KLHL7: variants seen among roughly 807,000 people sequenced by gnomAD.
KLHL7 encodes the protein kelch-like protein 7.
In KLHL7, 44 loss-of-function variants were observed where a neutral mutation model predicts 67.4. That is an observed-to-expected ratio of 0.65 (90% CI 0.51 to 0.84). The LOEUF is 0.84. Ranked by LOEUF, KLHL7 falls within the 40% of genes least tolerant of loss-of-function variation. KLHL7 has a pLI of 0.00. For missense variants in KLHL7, 362 were observed against 718.1 expected (o/e 0.50, Z 5.67); for synonymous variants, 252 against 243.3 (o/e 1.04, Z -0.33).
At position 23,173,040 on chromosome 7, in the gene KLHL7, G is replaced by T. The variant is rs773094599; in HGVS notation, c.1472G>T (p.Gly491Val). Reference protein sequence around the residue: ...DKIFAVGGQNGLGGLDNVEYY... With the variant: ...DKIFAVGGQNVLGGLDNVEYY... ...ATATTTGCTGTGGGTGGTCAGAATG[G>T]TTTAGGTATGTGATGTTAATTCACT... The change falls in exon 10 of 11, where the codon GGT becomes GTT. Residue 491 changes from glycine (G) to valine (V), a missense_variant. Coordinates refer to ENST00000339077, the MANE Select transcript of KLHL7 (RefSeq NM_001031710.3). 7 of 1,608,824 alleles carry T rather than the reference G, an allele frequency of 4.4e-6. No homozygotes were observed. The highest frequency in any genetic ancestry group is 6.0e-6 in the Non-Finnish European group (7 of 1,175,274).
chr7:23,108,979 C>A (rs1038200961), intron 1 of KLHL7, among the ~76,000 whole-genome samples: 1 of 152,198 alleles, frequency 6.6e-6, no homozygotes, highest in Non-Finnish European at 1.5e-5. Flanking sequence ...ACTAGTACTA[C>A]TTTGAACATT....
chr7:23,148,412 A>G lies in KLHL7; in HGVS notation c.794-3655A>G, dbSNP rs565485811. On this transcript the variant is annotated intron_variant, in intron 6 of 10. Transcript: ENST00000339077. ...AAGAAAATTAAAAAAAAAAAAAAAC[A>G]GCAGCCCCAAAGCTACTTGAACCAA... Among the ~76,000 whole-genome samples the G allele has an allele frequency of 1.7e-4, 9 of 54,188 alleles. No individual in the cohort carries two copies. In the South Asian group the frequency reaches 3.3e-3, roughly 20 times the overall value. The allele number at this position is 54,188 out of a possible 152,430, so 35.5% of individuals were successfully genotyped here.
At chr7:23,125,883 G>T in intron 4 of KLHL7, 2 of 1,545,982 alleles carry the variant, frequency 1.3e-6, no homozygotes, top group Non-Finnish European at 1.7e-6. Flanking sequence ...CTTATCTGCA[G>T]GATACGTTCC....
At chr7:23,124,943 T>C in intron 3 of KLHL7, 105 bp from the exon 4 acceptor site, 1 of 1,209,736 alleles carries the variant, frequency 8.3e-7, no homozygotes, top group Non-Finnish European at 1.2e-6. Context: ...GGACTGAAAG[T>C]TTAATTTTGT....
At chr7:23,106,172 C>G (rs1272359032) in intron 1 of KLHL7, 26 bp downstream of exon 1, 1 of 1,606,492 alleles carries the variant, frequency 6.2e-7, no homozygotes. Context: ...GAGTGACGGA[C>G]GACGGTGGGA....
intron 4 of KLHL7, chr7:23,125,767 C>T (rs1310435716): frequency 6.7e-7 from 1 of 1,493,986 alleles, no homozygotes; most frequent in Non-Finnish European, 8.9e-7. Context: ...ATAGGAGAAG[C>T]AGAAAAAGTT....
intron 6 of KLHL7, among the ~76,000 whole-genome samples, chr7:23,146,723 T>C (rs1480257045): frequency 6.6e-6 from 1 of 151,868 alleles, no homozygotes; most frequent in Non-Finnish European, 1.5e-5. Context: ...GTGAAATAAA[T>C]AATATTTTTC....
chr7:23,169,488 C>A lies in KLHL7; in HGVS notation c.1379+1451C>A, dbSNP rs1388686705. Among the ~76,000 whole-genome samples the A allele has an allele frequency of 2.0e-5, 3 of 152,158 alleles. No individual in the cohort carries two copies. The East Asian group carries it at 5.8e-4, about 29-fold the overall frequency. On this transcript the variant is annotated intron_variant, in intron 9 of 10. Coordinates refer to ENST00000339077, the MANE Select transcript of KLHL7 (RefSeq NM_001031710.3). The stretch of plus-strand genomic sequence containing the variant: ...GAACCTCTACCTTACTTCCCATAAA[C>A]CCTAGGCTCAAAAAGTGTTACAGCA...
At chr7:23,164,821 A>T (rs1031368878) in intron 7 of KLHL7, among the ~76,000 whole-genome samples, 1 of 152,242 alleles carries the variant, frequency 6.6e-6, no homozygotes, top group African/African-American at 2.4e-5. Context: ...AAACTCAATA[A>T]TCACACATAG....
intron 9 of KLHL7, among the ~76,000 whole-genome samples, chr7:23,170,710 A>G (rs1273939655): frequency 6.6e-6 from 1 of 152,204 alleles, no homozygotes; most frequent in African/African-American, 2.4e-5. Context: ...CTTGATCATT[A>G]CACATTGTAT....
intron 6 of KLHL7, among the ~76,000 whole-genome samples, chr7:23,146,666 C>T (rs1039138663): frequency 6.9e-6 from 1 of 145,854 alleles, no homozygotes; most frequent in East Asian, 2.0e-4. Flanking sequence ...TCTTCTTCTT[C>T]TTTTTTTTTT....
In KLHL7 at chr7:23,174,289, T is replaced by C. The variant is rs781150903; in HGVS notation, c.1752T>C (p.Leu584=). The change falls in exon 11 of 11, where the codon CTT becomes CTC. Residue 584 remains leucine, a synonymous_variant. Transcript: ENST00000339077. ...CTTGTGGAGCAAATGAAGAGACCCT[T>C]GAAACATGAAAAATGAGTGGACTTC... ...VDTCGANEET[L]ET 14 of 1,614,086 alleles carry C rather than the reference T, an allele frequency of 8.7e-6. No homozygotes were observed. Among genetic ancestry groups the C allele is most frequent in the Middle Eastern group, 3.3e-4 (2 of 6,060 alleles).
chr7:23,134,438 G>A (rs1246823896), intron 4 of KLHL7, among the ~76,000 whole-genome samples: 3 of 152,100 alleles, frequency 2.0e-5, no homozygotes, highest in Non-Finnish European at 4.4e-5. Context: ...TCTTCATCTG[G>A]TTTTGGTATT....
chr7:23,143,472 A>C (rs1784256518), intron 5 of KLHL7, among the ~76,000 whole-genome samples: 1 of 152,202 alleles, frequency 6.6e-6, no homozygotes, highest in South Asian at 2.1e-4. Context: ...CCTCTTGAGA[A>C]ATTAACCTGT....
At chr7:23,153,462 A>G (rs1355525430) in intron 7 of KLHL7, among the ~76,000 whole-genome samples, 1 of 152,194 alleles carries the variant, frequency 6.6e-6, no homozygotes, top group Non-Finnish European at 1.5e-5. Context: ...TTGCATTTAC[A>G]TGCTACATTG....
At chr7:23,109,625 G>A (rs1440857004) in intron 1 of KLHL7, among the ~76,000 whole-genome samples, 1 of 152,156 alleles carries the variant, frequency 6.6e-6, no homozygotes. Flanking sequence ...TCACCTTCCG[G>A]CTAAAATGAC....
At chr7:23,163,332 G>A (rs986066497) in intron 7 of KLHL7, among the ~76,000 whole-genome samples, 5 of 151,932 alleles carry the variant, frequency 3.3e-5, no homozygotes, top group African/African-American at 4.8e-5. Context: ...CACCATGCCC[G>A]GCTAATTTTT....
rs1783122814 is a variant in KLHL7, at chr7:23,117,105, T to TTTTTTTTTTTA, written c.121-6672_121-6671insTTTTTTTTTTA. Among the ~76,000 whole-genome samples the TTTTTTTTTTTA allele has an allele frequency of 2.1e-5, 3 of 141,096 alleles. 1 individual carries two copies. The highest frequency in any genetic ancestry group is 5.5e-5 in the African/African-American group (2 of 36,050). The allele number at this position is 141,096 out of a possible 152,430, so 92.6% of individuals were successfully genotyped here. A position where few individuals can be genotyped will look rare whatever the true frequency, so the allele number is the denominator to read the frequency against. On this transcript the variant is annotated intron_variant, in intron 1 of 10. Transcript: ENST00000339077. ...CCTTTTTTTTTTTTTTTTTTTTTTT[T>TTTTTTTTTTTA]GAGATCAAGTCTCGCTCTGTCACCC...
intron 4 of KLHL7, among the ~76,000 whole-genome samples, chr7:23,137,332 CT>C (rs1784013980): frequency 1.3e-5 from 2 of 152,052 alleles, no homozygotes; most frequent in Admixed American, 1.3e-4. Flanking sequence ...AACTAATAGA[CT>C]ATAGACTTGG....
Sources: gnomAD v4.1 joint callset for allele counts (sites outside exome capture counted in the v4.1 genomes callset) on GRCh38, gnomAD v4.1.1 for gene constraint, MANE v1.5 for transcripts, NCBI Gene and HGNC (gene_info 2026-07-23, HGNC 2026-07-21) for gene names.